KDM6A: variants seen among roughly 807,000 people sequenced by gnomAD.
KDM6A encodes lysine-specific demethylase 6A.
A neutral mutation model predicts 117.6 loss-of-function variants in KDM6A; 11 were observed. That is an observed-to-expected ratio of 0.09 (90% CI 0.06 to 0.15). The LOEUF is 0.15. Ranked by LOEUF, KDM6A falls within the 10% of genes least tolerant of loss-of-function variation. The pLI, the probability that KDM6A is intolerant of heterozygous loss-of-function variation, is 1.00. For missense variants in KDM6A, 799 were observed against 1,077.3 expected, an observed-to-expected ratio of 0.74 and a Z score of 3.62; for synonymous variants, 384 against 396.1, an observed-to-expected ratio of 0.97 and a Z score of 0.36.
At chrX:45,038,357 G>GT (rs1424426829) in intron 8 of KDM6A, among the ~76,000 whole-genome samples, 1 of 111,462 alleles carries the variant, frequency 9.0e-6, no homozygotes, top group East Asian at 2.8e-4. Flanking sequence ...GTTGTAATGC[G>GT]TTTTTTAAAG....
At chrX:44,905,909 A>G (rs2034623097) in intron 2 of KDM6A, among the ~76,000 whole-genome samples, 1 of 112,579 alleles carries the variant, frequency 8.9e-6, no homozygotes, top group Non-Finnish European at 1.9e-5. Flanking sequence ...AGGCAAATAT[A>G]TATATGCACA....
intron 2 of KDM6A, among the ~76,000 whole-genome samples, chrX:44,915,671 C>T (rs1322902352): frequency 2.7e-5 from 3 of 111,356 alleles, no homozygotes; most frequent in African/African-American, 9.8e-5. Flanking sequence ...TCGCACTGTC[C>T]TGCCTAGGAG....
chrX:45,111,399 C>A lies in KDM6A; in HGVS notation c.4350C>A (p.Ser1450=). 1 of 1,201,064 alleles carries A rather than the reference C, an allele frequency of 8.3e-7. No individual in the cohort carries two copies. The highest frequency in any genetic ancestry group is 1.1e-6 in the Non-Finnish European group (1 of 886,446). The change falls in exon 30 of 30, where the codon TCC becomes TCA. Residue 1450 remains serine, a synonymous_variant. Transcript: ENST00000611820. The part of the protein sequence containing the change: ...DQFTLAPPLP[S]ASS ...ATTTTCAGGCTCCTCCATTACCATC[C>A]GCCTCATCTTGATATTGTTCCATGG...
chrX:45,100,033 CAA>C (rs757228456), intron 27 of KDM6A, among the ~76,000 whole-genome samples: 31 of 82,398 alleles, frequency 3.8e-4, no homozygotes, highest in Non-Finnish European at 5.9e-4. Flanking sequence ...GACTCTGTCT[CAA>C]AAAAAAAAAA....
chrX:45,039,661 TC>T (rs1268531565), intron 8 of KDM6A, among the ~76,000 whole-genome samples: 1 of 76,397 alleles, frequency 1.3e-5, no homozygotes, highest in Non-Finnish European at 2.5e-5. Flanking sequence ...CCTGCGGCCT[TC>T]CGCAGTGTTT....
intron 25 of KDM6A, chrX:45,086,239 A>G: frequency 3.4e-6 from 1 of 297,083 alleles, no homozygotes; most frequent in East Asian, 7.0e-5. Context: ...TTATTAGTTT[A>G]ATTTTTAAAA....
At chrX:44,992,206 CTTTTTTTTTTTTTTTT>C (rs779979560) in intron 4 of KDM6A, among the ~76,000 whole-genome samples, 22 of 32,056 alleles carry the variant, frequency 6.9e-4, no homozygotes, top group East Asian at 2.2e-3. Flanking sequence ...CTGTCTTCTT[CTTTTTTTTTTTTTTTT>C]TTTTTTTTTT....
intron 3 of KDM6A, among the ~76,000 whole-genome samples, chrX:44,962,451 G>A (rs1268460556): frequency 8.9e-6 from 1 of 111,848 alleles, no homozygotes; most frequent in Non-Finnish European, 1.9e-5. Context: ...TTTTCAGATT[G>A]TGTGACACTG....
chrX:45,084,361 C>T (rs1193977633), intron 24 of KDM6A, among the ~76,000 whole-genome samples: 2 of 111,859 alleles, frequency 1.8e-5, no homozygotes, highest in East Asian at 5.6e-4. Flanking sequence ...TTGCCACAAT[C>T]GCAGCACTGA....
rs765953991 is a variant in KDM6A at position 45,079,166 on chromosome X, A to C, written c.3115A>C (p.Lys1039Gln). The change falls in exon 21 of 30, where the codon AAA (lysine) becomes CAA (glutamine). Residue 1039 changes from lysine to glutamine, a missense_variant. This residue lies in a region of KDM6A where 291 missense variants were observed against 437.9 expected (regional missense o/e 0.66). Coordinates refer to ENST00000611820, the MANE Select transcript of KDM6A (RefSeq NM_001291415.2). ...TGAAGACCTGGGACTTTTCTCTACT[A>C]AAACTTTGGTGGAAGCTAACAATGA... ...LKLDLGLFST[K>Q]TLVEANNEHM... 9.9e-6 allele frequency: 12 copies of C among 1,206,768 alleles called. No individual in the cohort carries two copies. The highest frequency in any genetic ancestry group is 2.2e-5 in the Admixed American group (1 of 45,650).
At position 45,076,743 on chromosome X, in the gene KDM6A, A is replaced by C; in HGVS notation, c.2905A>C (p.Lys969Gln). ...ATCTAACAGTAGCATTTTGTTGGAT[A>C]AATGTCCACCTCCAAGACCACCATC... ...GLSNSSILLD[K>Q]CPPPRPPSSP... is the part of the protein sequence containing the mutation. Residue 969 changes from lysine (K) to glutamine (Q), a missense_variant, in exon 19 of 30, where the codon AAA becomes CAA. By Grantham distance (53) the Lys-to-Gln change is moderately conservative. Coordinates refer to ENST00000611820, the MANE Select transcript of KDM6A (RefSeq NM_001291415.2). 8.4e-7 allele frequency: 1 copy of C among 1,187,200 alleles called. No individual in the cohort carries two copies. Among genetic ancestry groups the C allele is most frequent in the Non-Finnish European group, 1.1e-6 (1 of 875,092 alleles).
chrX:44,875,026 A>G (rs984952021), intron 2 of KDM6A, among the ~76,000 whole-genome samples: 4 of 112,219 alleles, frequency 3.6e-5, no homozygotes, highest in Non-Finnish European at 5.6e-5. Flanking sequence ...TGGAGTCTCA[A>G]TCTGTATGCA....
chrX:44,974,771 A>G lies in KDM6A; in HGVS notation c.384+56A>G. ...TTTGTGTTTTGGGCAGATTATTGCC[A>G]ATTATACTCAAAATTAATTGAGCTC... On this transcript the variant is annotated intron_variant, in intron 4 of 29. Coordinates refer to ENST00000611820, the MANE Select transcript of KDM6A (RefSeq NM_001291415.2). 8 of 849,627 alleles carry G rather than the reference A, an allele frequency of 9.4e-6. No individual in the cohort carries two copies. The South Asian group carries it at 1.6e-4, about 17-fold the overall frequency. 70.0% of individuals were successfully genotyped at this position (849,627 alleles called of 1,213,427 possible).
intron 2 of KDM6A, among the ~76,000 whole-genome samples, chrX:44,912,640 A>T (rs1464218102): frequency 8.9e-6 from 1 of 112,236 alleles, no homozygotes. Flanking sequence ...GAGAGGGTTG[A>T]GCAAGACATT....
At position 45,062,627 on chromosome X, in the gene KDM6A, T is replaced by A. The variant is rs1203655034; in HGVS notation, c.1582-20T>A. 3.7e-6 allele frequency: 4 copies of A among 1,095,538 alleles called. No homozygotes were observed. Among genetic ancestry groups the A allele is most frequent in the Non-Finnish European group, 5.1e-6 (4 of 790,492 alleles). The allele number at this position is 1,095,538 out of a possible 1,213,427, so 90.3% of individuals were successfully genotyped here. A position where few individuals can be genotyped will look rare whatever the true frequency, so the allele number is the denominator to read the frequency against. On this transcript the variant is annotated intron_variant, in intron 15 of 29. Transcript: ENST00000611820. ...CCTAAATATATCTTTGACTATATTC[T>A]CTTTTTGTTCTTCTTCTAGCATTTG...
chrX:44,939,047 C>G (rs1042246070), intron 2 of KDM6A, among the ~76,000 whole-genome samples: 2 of 112,436 alleles, frequency 1.8e-5, no homozygotes, highest in African/African-American at 6.5e-5. Flanking sequence ...CATAAGGAGA[C>G]AAATGTGTTC....
intron 2 of KDM6A, among the ~76,000 whole-genome samples, chrX:44,941,809 T>G (rs1018368948): frequency 9.9e-5 from 11 of 110,670 alleles, no homozygotes; most frequent in African/African-American, 3.6e-4. Flanking sequence ...ACAAGTTATC[T>G]TTAATGTTGT....
At position 45,037,697 on chromosome X, in the gene KDM6A, T is replaced by C; in HGVS notation, c.654+8T>C. On this transcript the variant is annotated splice_region_variant and intron_variant, in intron 8 of 29. Coordinates refer to ENST00000611820, the MANE Select transcript of KDM6A (RefSeq NM_001291415.2). ...CACTTATATGAAACCCAGGTAAGTA[T>C]TTTAACTTATTCTATTTAAAACAAA... is the stretch of plus-strand genomic sequence containing the variant. 8.5e-7 allele frequency: 1 copy of C among 1,175,768 alleles called. No homozygotes were observed. Among genetic ancestry groups the C allele is most frequent in the Non-Finnish European group, 1.2e-6 (1 of 864,053 alleles).
At chrX:44,949,761 A>T (rs939251091) in intron 2 of KDM6A, among the ~76,000 whole-genome samples, 1 of 112,069 alleles carries the variant, frequency 8.9e-6, no homozygotes, top group African/African-American at 3.2e-5. Flanking sequence ...TATTAATTTG[A>T]ACTACATATT....
Sources: gnomAD v4.1 joint callset for allele counts (sites outside exome capture counted in the v4.1 genomes callset) on GRCh38, gnomAD v4.1.1 for gene constraint, gnomAD v4.1.1 regional missense constraint, MANE v1.5 for transcripts, NCBI Gene and HGNC (gene_info 2026-07-23, HGNC 2026-07-21) for gene names.